The following CYFIP2 variants were observed in gnomAD, a reference collection of about 807,000 sequenced individuals.
CYFIP2 encodes the protein cytoplasmic FMR1 interacting protein 2.
Under a neutral mutation model 158.7 loss-of-function variants are expected in CYFIP2, and 29 were observed. The observed-to-expected ratio is 0.18, with a 90% CI of 0.14 to 0.25. The LOEUF (loss-of-function observed/expected upper bound fraction) is 0.25, where lower values mean the gene tolerates loss of function less well. CYFIP2 is among the 10% of genes least tolerant of loss of function. The probability of loss-of-function intolerance (pLI) is 1.00; values close to 1 mark genes in which losing one functional copy is unlikely to be tolerated. For synonymous variants in CYFIP2, 585 were observed against 617.6 expected, an observed-to-expected ratio of 0.95 and a Z score of 0.78; for missense variants, 852 against 1,639.5, an observed-to-expected ratio of 0.52 and a Z score of 8.29.
intron 26 of CYFIP2, among the ~76,000 whole-genome samples, chr5:157,379,668 C>CAAAAAAAAAAAAAAAAAAAAAAAAAAA (rs70984468): frequency 1.4e-5 from 1 of 73,654 alleles, no homozygotes; most frequent in African/African-American, 5.2e-5. Context: ...GACCCTGTCT[C>CAAAAAAAAAAAAAAAAAAAAAAAAAAA]AAAAAAAAAA....
In CYFIP2 at chr5:157,310,931, G is replaced by T. The variant is rs895883132; in HGVS notation, c.993-733G>T. The T allele has an allele frequency of 1.5e-4, 68 of 452,654 alleles. No individual in the cohort carries two copies. The Admixed American group carries it at 1.6e-3, about 11-fold the overall frequency. The allele number at this position is 452,654 out of a possible 1,614,324, so 28.0% of individuals were successfully genotyped here. A position where few individuals can be genotyped will look rare whatever the true frequency, so the allele number is the denominator to read the frequency against. On this transcript the variant is annotated intron_variant, in intron 10 of 30. Transcript: ENST00000620254. ...GCACCTGAGGGTAGAAGAGGGTGAA[G>T]GGAGTGGTCCTTTTTCTCTTGGGGA...
intron 1 of CYFIP2, among the ~76,000 whole-genome samples, chr5:157,279,564 G>A (rs1756831960): frequency 6.6e-6 from 1 of 152,182 alleles, no homozygotes. Context: ...GGCACCTAAA[G>A]CCCCCCCTTC....
chr5:157,377,925 G>A (rs1765648824), intron 26 of CYFIP2, among the ~76,000 whole-genome samples: 1 of 152,230 alleles, frequency 6.6e-6, no homozygotes, highest in Admixed American at 6.5e-5. Flanking sequence ...TCAGGACCCT[G>A]GGCTAGATAA....
chr5:157,385,171 C>T (rs767331911), intron 28 of CYFIP2, among the ~76,000 whole-genome samples: 2 of 152,194 alleles, frequency 1.3e-5, no homozygotes, highest in African/African-American at 2.4e-5. Flanking sequence ...CCTCTCACTC[C>T]GAAGTCTGGC....
intron 5 of CYFIP2, among the ~76,000 whole-genome samples, chr5:157,299,094 G>A (rs561477090): frequency 6.6e-6 from 1 of 152,162 alleles, no homozygotes; most frequent in Admixed American, 6.5e-5. Context: ...GAGTGGAATT[G>A]TTGGGTCAGA....
At chr5:157,366,996 G>A (rs1187883827) in intron 26 of CYFIP2, among the ~76,000 whole-genome samples, 3 of 152,206 alleles carry the variant, frequency 2.0e-5, no homozygotes, top group East Asian at 1.9e-4. Flanking sequence ...GCCTTTTACT[G>A]CAAGGCCTCT....
chr5:157,315,182 C>T (rs776218113), intron 13 of CYFIP2, 88 bp downstream of exon 13: 26 of 1,509,352 alleles, frequency 1.7e-5, no homozygotes, highest in East Asian at 2.4e-5. Flanking sequence ...AAAACAGCAT[C>T]GGTTGCCCTA....
At position 157,325,492 on chromosome 5, in the gene CYFIP2, G is replaced by A; in HGVS notation, c.1836G>A (p.Gln612=). Residue 612 remains glutamine (Q), a synonymous_variant, in exon 17 of 31, where the codon CAG becomes CAA. Transcript: ENST00000620254. Reference sequence around the variant, plus strand: ...CCCTTATGCTTTCAGAAGCCCTGCAGCAGTGTTGTGACCTCTCCCAGCTCT... The same window carrying A: ...CCCTTATGCTTTCAGAAGCCCTGCAACAGTGTTGTGACCTCTCCCAGCTCT... The part of the protein sequence containing the change: ...THLLNISEAL[Q]QCCDLSQLWF... 1 of 1,611,518 alleles carries A rather than the reference G, an allele frequency of 6.2e-7. No homozygotes were observed. Among genetic ancestry groups the A allele is most frequent in the Non-Finnish European group, 8.5e-7 (1 of 1,178,808 alleles).
chr5:157,342,734 C>G, intron 23 of CYFIP2: 1 of 951,998 alleles, frequency 1.1e-6, no homozygotes. Flanking sequence ...TTCATCCAAC[C>G]CAGGTGACCT....
At chr5:157,359,688 T>G (rs371758659) in intron 24 of CYFIP2, among the ~76,000 whole-genome samples, 1 of 152,240 alleles carries the variant, frequency 6.6e-6, no homozygotes, top group East Asian at 1.9e-4. Flanking sequence ...TGAATTTCAT[T>G]TAATTTCCTG....
intron 5 of CYFIP2, 44 bp from the exon 6 acceptor site, chr5:157,300,671 T>G: frequency 7.0e-7 from 1 of 1,429,238 alleles, no homozygotes; most frequent in South Asian, 1.6e-5. Context: ...CCTGCCCCCA[T>G]AAGGGAGCAC....
chr5:157,387,697 A>G (rs1581206852), intron 28 of CYFIP2, among the ~76,000 whole-genome samples: 1 of 151,474 alleles, frequency 6.6e-6, no homozygotes. Flanking sequence ...TTTTAACACA[A>G]GAGATATTTT....
chr5:157,370,886 GTAA>G (rs1223986057), intron 26 of CYFIP2, among the ~76,000 whole-genome samples: 1 of 152,214 alleles, frequency 6.6e-6, no homozygotes, highest in Non-Finnish European at 1.5e-5. Flanking sequence ...GTGAAACATA[GTAA>G]TATACAGCAC....
intron 15 of CYFIP2, among the ~76,000 whole-genome samples, chr5:157,323,169 G>A (rs906132269): frequency 6.6e-6 from 1 of 152,172 alleles, no homozygotes; most frequent in Non-Finnish European, 1.5e-5. Context: ...CCACCCCACC[G>A]CACTTGCATC....
At chr5:157,389,473 G>T in intron 29 of CYFIP2, 46 bp downstream of exon 29, 1 of 1,475,758 alleles carries the variant, frequency 6.8e-7, no homozygotes, top group Non-Finnish European at 9.1e-7. Context: ...ACCTGCCTGT[G>T]CTCCTGCAAG....
intron 6 of CYFIP2, among the ~76,000 whole-genome samples, chr5:157,301,463 G>A (rs1204637684): frequency 6.6e-6 from 1 of 152,158 alleles, no homozygotes; most frequent in African/African-American, 2.4e-5. Flanking sequence ...TCTAAGGAAG[G>A]ACAGGATGCT....
chr5:157,302,948 G>A, intron 7 of CYFIP2, 58 bp downstream of exon 7: 3 of 1,413,042 alleles, frequency 2.1e-6, no homozygotes, highest in Non-Finnish European at 1.9e-6. Context: ...AGGCAGGCGT[G>A]TAGAGGTTGG....
intron 28 of CYFIP2, among the ~76,000 whole-genome samples, chr5:157,388,976 G>A (rs1431510579): frequency 2.6e-5 from 4 of 152,204 alleles, no homozygotes; most frequent in East Asian, 3.8e-4. Context: ...TACTGATGGT[G>A]CCTGGATTTT....
intron 26 of CYFIP2, among the ~76,000 whole-genome samples, chr5:157,379,182 C>G (rs1206383933): frequency 6.6e-6 from 1 of 152,106 alleles, no homozygotes; most frequent in Admixed American, 6.5e-5. Flanking sequence ...TTATCTCTCT[C>G]CCTCTCTTCC....
Sources: allele counts gnomAD v4.1 joint callset (sites outside exome capture counted in the v4.1 genomes callset), GRCh38; gene constraint gnomAD v4.1.1; transcripts MANE v1.5; gene names NCBI Gene and HGNC (gene_info 2026-07-23, HGNC 2026-07-21).